FBH1: variants seen among roughly 807,000 people sequenced by gnomAD.
FBH1 encodes the protein DNA 3'-5' helicase 1.
In FBH1, 43 loss-of-function variants were observed where a neutral mutation model predicts 115.5. The observed-to-expected ratio is 0.37, with a 90% CI of 0.29 to 0.48. FBH1 has a LOEUF of 0.48. FBH1 is among the 20% of genes least tolerant of loss of function. The pLI, the probability that FBH1 is intolerant of heterozygous loss-of-function variation, is 0.99. For synonymous variants in FBH1, 524 were observed against 507.8 expected, an observed-to-expected ratio of 1.03 and a Z score of -0.43; for missense variants, 1,001 against 1,337.3, an observed-to-expected ratio of 0.75 and a Z score of 3.92.
rs1320992102 is a variant in FBH1, at chr10:5,936,656, T to C, written c.2961+69T>C. ...TTTGCTTGTGAGCTCTGTGCTTATC[T>C]GGGTTGTAGGTGAGGAGATAAGAGA... On this transcript the variant is annotated intron_variant, in intron 20 of 20. Transcript: ENST00000362091. This position sits in a 1 kb window ranked among gnomAD's most constrained non-coding sequence, Gnocchi z 5.6. The C allele has an allele frequency of 1.9e-6, 3 of 1,586,928 alleles. No individual in the cohort carries two copies. The African/African-American group carries it at 4.0e-5, about 21-fold the overall frequency.
intron 15 of FBH1, among the ~76,000 whole-genome samples, chr10:5,922,703 G>A (rs1277815173): frequency 6.6e-6 from 1 of 152,158 alleles, no homozygotes; most frequent in Non-Finnish European, 1.5e-5. Context: ...ACAAGCTCTT[G>A]GAGTGTGGGG....
At position 5,897,096 on chromosome 10, in the gene FBH1, A is replaced by G. The variant is rs11255774; in HGVS notation, c.2-5924A>G. Among the ~76,000 whole-genome samples the G allele has an allele frequency of 0.29, 44,324 of 152,040 alleles. 7,126 individuals carry two copies. Among genetic ancestry groups the G allele is most frequent in the Middle Eastern group, 0.36 (106 of 294 alleles). On this transcript the variant is annotated intron_variant, in intron 1 of 20. Coordinates refer to ENST00000362091, the MANE Select transcript of FBH1 (RefSeq NM_178150.3). The surrounding 1 kb of genome is among the most constrained non-coding windows in gnomAD (Gnocchi z 4.7). ...CTGATGTGCCTTAGGAGACCCTCAG[A>G]TTGGTGTGGTAGTCACATATTTCTT...
chr10:5,893,028 G>A (rs1031362695), intron 1 of FBH1, among the ~76,000 whole-genome samples: 12 of 152,202 alleles, frequency 7.9e-5, no homozygotes, highest in East Asian at 1.9e-4. Context: ...GGATGAGGCC[G>A]GGCGCGGTGG....
chr10:5,909,046 A>G lies in FBH1; in HGVS notation c.875A>G (p.Asn292Ser). The change falls in exon 4 of 21, where the codon AAC becomes AGC. Residue 292 changes from asparagine (N) to serine (S), a missense_variant. By Grantham distance (46) the Asn-to-Ser change is conservative (BLOSUM62 1). Transcript: ENST00000362091. This position sits in a 1 kb window ranked among gnomAD's most constrained non-coding sequence, Gnocchi z 4.4. ...IEKESDLCVL[N>S]LIRYTATTKC... Reference sequence around the variant, plus strand: ...AAGGAGTCAGACCTGTGTGTGCTGAACCTCATACGGTGAGCTTTGCCTGTG... The same window carrying G: ...AAGGAGTCAGACCTGTGTGTGCTGAGCCTCATACGGTGAGCTTTGCCTGTG... 6.2e-7 allele frequency: 1 copy of G among 1,614,128 alleles called. No individual in the cohort carries two copies. The highest frequency in any genetic ancestry group is 8.5e-7 in the Non-Finnish European group (1 of 1,180,018).
intron 18 of FBH1, among the ~76,000 whole-genome samples, chr10:5,926,271 G>A (rs1461788292): frequency 2.6e-5 from 4 of 152,004 alleles, no homozygotes; most frequent in South Asian, 2.1e-4. Flanking sequence ...GTGCCACCAC[G>A]CCCAGCTAAT....
chr10:5,918,622 G>A lies in FBH1; in HGVS notation c.2100+144G>A. 1.8e-6 allele frequency: 2 copies of A among 1,111,650 alleles called. No individual in the cohort carries two copies. Among genetic ancestry groups the A allele is most frequent in the Non-Finnish European group, 2.4e-6 (2 of 824,984 alleles). The allele number at this position is 1,111,650 out of a possible 1,614,324, so 68.9% of individuals were successfully genotyped here. ...ATGGTTCTCAAAGTGTGGTTCTCAG[G>A]GGTCTGCCAAGTCACACTGTTTTCA... On this transcript the variant is annotated intron_variant, in intron 13 of 20. Transcript: ENST00000362091. This position sits in a 1 kb window ranked among gnomAD's most constrained non-coding sequence, Gnocchi z 4.0.
In FBH1 at chr10:5,913,351, G is replaced by C. The variant is rs990197867; in HGVS notation, c.1212-396G>C. Among the ~76,000 whole-genome samples, 1 of 59,016 alleles carries C rather than the reference G, an allele frequency of 1.7e-5. No homozygotes were observed. Among genetic ancestry groups the C allele is most frequent in the African/African-American group, 5.0e-5 (1 of 19,918 alleles). The allele number at this position is 59,016 out of a possible 152,430, so 38.7% of individuals were successfully genotyped here. ...GCGACCGAGGCTCAGAAAGAGGCTG[G>C]TGTTTTATCCACAGGTGTAGTAAGT... is the stretch of plus-strand genomic sequence containing the variant. On this transcript the variant is annotated intron_variant, in intron 6 of 20. Coordinates refer to ENST00000362091, the MANE Select transcript of FBH1 (RefSeq NM_178150.3). This position sits in a 1 kb window ranked among gnomAD's most constrained non-coding sequence, Gnocchi z 4.4.
Position 5,911,042 on chromosome 10 carries a change from G to A in FBH1, c.1125G>A (p.Val375=), listed in dbSNP as rs373710811. Residue 375 remains valine (V), a synonymous_variant, in exon 6 of 21, where the codon GTG becomes GTA. Coordinates refer to ENST00000362091, the MANE Select transcript of FBH1 (RefSeq NM_178150.3). The surrounding 1 kb of genome is among the most constrained non-coding windows in gnomAD (Gnocchi z 5.4). ...LFCLRRPSST[V]TMPDVTETLY... Reference sequence around the variant, plus strand: ...GCCTCCGGAGACCCAGCTCCACGGTGACCATGCCAGATGTCACCGAGACCC... The same window carrying A: ...GCCTCCGGAGACCCAGCTCCACGGTAACCATGCCAGATGTCACCGAGACCC... 4 of 1,613,218 alleles carry A rather than the reference G, an allele frequency of 2.5e-6. No homozygotes were observed. Among genetic ancestry groups the A allele is most frequent in the Non-Finnish European group, 3.4e-6 (4 of 1,180,032 alleles).
Position 5,924,776 on chromosome 10 carries a change from G to A in FBH1, c.2596+268G>A, listed in dbSNP as rs1239053041. 1 of 521,656 alleles carries A rather than the reference G, an allele frequency of 1.9e-6. No individual in the cohort carries two copies. The highest frequency in any genetic ancestry group is 3.7e-6 in the Non-Finnish European group (1 of 271,918). The allele number at this position is 521,656 out of a possible 1,614,324, so 32.3% of individuals were successfully genotyped here. A position where few individuals can be genotyped will look rare whatever the true frequency, so the allele number is the denominator to read the frequency against. ...AGATGGAGTCTCACCATGTTGGCCA[G>A]GCTGGTCTCGAACTCCCAACCTCAG... On this transcript the variant is annotated intron_variant, in intron 17 of 20. Coordinates refer to ENST00000362091, the MANE Select transcript of FBH1 (RefSeq NM_178150.3). This position sits in a 1 kb window ranked among gnomAD's most constrained non-coding sequence, Gnocchi z 6.2.
At chr10:5,903,227 T>C (rs1226967168) in intron 2 of FBH1, 52 bp downstream of exon 2, 1 of 1,395,588 alleles carries the variant, frequency 7.2e-7, no homozygotes. Flanking sequence ...GTGTGGGTCC[T>C]TTGACTATCT....
At position 5,925,976 on chromosome 10, in the gene FBH1, G is replaced by T. The variant is rs1213294175; in HGVS notation, c.2722+484G>T. Among the ~76,000 whole-genome samples, 1 of 152,112 alleles carries T rather than the reference G, an allele frequency of 6.6e-6. No homozygotes were observed. Among genetic ancestry groups the T allele is most frequent in the Non-Finnish European group, 1.5e-5 (1 of 68,028 alleles). ...GTACAGACAGGGGTCTCACTATGTT[G>T]CTCAGGCTGGTCTCAAAGTCTTAGG... On this transcript the variant is annotated intron_variant, in intron 18 of 20. Coordinates refer to ENST00000362091, the MANE Select transcript of FBH1 (RefSeq NM_178150.3). This position sits in a 1 kb window ranked among gnomAD's most constrained non-coding sequence, Gnocchi z 4.6.
chr10:5,910,296 A>T lies in FBH1; in HGVS notation c.1021-642A>T, dbSNP rs1769703550. Among the ~76,000 whole-genome samples, 1 of 151,946 alleles carries T rather than the reference A, an allele frequency of 6.6e-6. No individual in the cohort carries two copies. Among genetic ancestry groups the T allele is most frequent in the Admixed American group, 6.6e-5 (1 of 15,258 alleles). ...GACTTTGTCTCAAAAAAAAAAAAAG[A>T]TGAAGATCTGTGTCCACTATTGACT... On this transcript the variant is annotated intron_variant, in intron 5 of 20. Transcript: ENST00000362091. This position sits in a 1 kb window ranked among gnomAD's most constrained non-coding sequence, Gnocchi z 4.8.
At chr10:5,894,756 C>G (rs1263209558) in intron 1 of FBH1, among the ~76,000 whole-genome samples, 1 of 152,220 alleles carries the variant, frequency 6.6e-6, no homozygotes, top group African/African-American at 2.4e-5. Flanking sequence ...GTGAGTACCT[C>G]TCTACTCCTT....
rs892784220 is a variant in FBH1, at chr10:5,899,166, G to T, written c.2-3854G>T. Among the ~76,000 whole-genome samples the T allele has an allele frequency of 1.1e-4, 16 of 152,152 alleles. 1 individual carries two copies. Among genetic ancestry groups the T allele is most frequent in the Admixed American group, 7.2e-4 (11 of 15,276 alleles). ...TCAACTGAGCCTGATTTTCTCACTG[G>T]TTATGTGCCTTTTCGTTGACTTTCA... On this transcript the variant is annotated intron_variant, in intron 1 of 20. Transcript: ENST00000362091.
rs1003529197 is a variant in FBH1, at chr10:5,924,858, G to T, written c.2596+350G>T. On this transcript the variant is annotated intron_variant, in intron 17 of 20. Transcript: ENST00000362091. This position sits in a 1 kb window ranked among gnomAD's most constrained non-coding sequence, Gnocchi z 6.2. ...TAGAATTACAGGCGTGAGCCACTGCGCCCAGCCTCTTCTGCTGTTTCTTCC... is the reference window on the plus strand; with the variant it reads ...TAGAATTACAGGCGTGAGCCACTGCTCCCAGCCTCTTCTGCTGTTTCTTCC... 2.4e-6 allele frequency: 1 copy of T among 408,672 alleles called. No homozygotes were observed. Among genetic ancestry groups the T allele is most frequent in the Non-Finnish European group, 4.8e-6 (1 of 206,766 alleles). The allele number at this position is 408,672 out of a possible 1,614,324, so 25.3% of individuals were successfully genotyped here. A position where few individuals can be genotyped will look rare whatever the true frequency, so the allele number is the denominator to read the frequency against.
At position 5,917,396 on chromosome 10, in the gene FBH1, G is replaced by A. The variant is rs780029293; in HGVS notation, c.1789-24G>A. The A allele has an allele frequency of 9.9e-6, 16 of 1,608,548 alleles. No individual in the cohort carries two copies. In the Admixed American group the frequency reaches 2.5e-4, roughly 25 times the overall value. ...CCTTTGCCAGGGTCTCAAACTCTGGGTTACCATATGCTTTACTTCCTAGAA... is the reference window on the plus strand; with the variant it reads ...CCTTTGCCAGGGTCTCAAACTCTGGATTACCATATGCTTTACTTCCTAGAA... On this transcript the variant is annotated intron_variant, in intron 10 of 20. Coordinates refer to ENST00000362091, the MANE Select transcript of FBH1 (RefSeq NM_178150.3). This position sits in a 1 kb window ranked among gnomAD's most constrained non-coding sequence, Gnocchi z 5.6.
chr10:5,917,149 A>T lies in FBH1; in HGVS notation c.1789-271A>T. The T allele has an allele frequency of 2.3e-6, 1 of 437,442 alleles. No individual in the cohort carries two copies. The highest frequency in any genetic ancestry group is 4.2e-6 in the Non-Finnish European group (1 of 240,104). 27.1% of individuals were successfully genotyped at this position (437,442 alleles called of 1,614,324 possible). On this transcript the variant is annotated intron_variant, in intron 10 of 20. Transcript: ENST00000362091. The surrounding 1 kb of genome is among the most constrained non-coding windows in gnomAD (Gnocchi z 5.6). ...TAAGCATCAGTCATAAATCTAGAAG[A>T]ACAATTTGGCCTTTTCTGGTTCACC... is the stretch of plus-strand genomic sequence containing the variant.
intron 1 of FBH1, among the ~76,000 whole-genome samples, chr10:5,893,302 T>A (rs1842840094): frequency 6.6e-6 from 1 of 152,120 alleles, no homozygotes; most frequent in Admixed American, 6.6e-5. Context: ...AGAGTGAGAC[T>A]CTGTCTGAAA....
rs1034224224 is a variant in FBH1, at chr10:5,897,574, C to T, written c.2-5446C>T. Among the ~76,000 whole-genome samples the T allele has an allele frequency of 5.3e-5, 8 of 152,146 alleles. No individual in the cohort carries two copies. The highest frequency in any genetic ancestry group is 8.8e-5 in the Non-Finnish European group (6 of 68,004). ...ATCCAATAAAAGTGTTAATAAAAAT[C>T]CAATAAAAGTACCAGCTCTCCCGCC... On this transcript the variant is annotated intron_variant, in intron 1 of 20. Transcript: ENST00000362091. The surrounding 1 kb of genome is among the most constrained non-coding windows in gnomAD (Gnocchi z 4.7).
Sources: allele counts gnomAD v4.1 joint callset (sites outside exome capture counted in the v4.1 genomes callset), GRCh38; gene constraint gnomAD v4.1.1; non-coding constraint Gnocchi (gnomAD v3.1); transcripts MANE v1.5; gene names NCBI Gene and HGNC (gene_info 2026-07-23, HGNC 2026-07-21).